Variants in DNAH12 observed in about 807,000 individuals in gnomAD.
DNAH12 encodes the protein axonemal beta dynein heavy chain 12.
Under a neutral mutation model 371.5 loss-of-function variants are expected in DNAH12, and 285 were observed. That is an observed-to-expected ratio of 0.77 (90% CI 0.70 to 0.85). DNAH12 has a LOEUF of 0.85. Ranked by LOEUF, DNAH12 falls within the 40% of genes least tolerant of loss-of-function variation. The pLI, the probability that DNAH12 is intolerant of heterozygous loss-of-function variation, is 0.00. For missense variants in DNAH12, 3,611 were observed against 3,689.4 expected, an observed-to-expected ratio of 0.98 and a Z score of 0.55; for synonymous variants, 1,200 against 1,213.0, an observed-to-expected ratio of 0.99 and a Z score of 0.22.
In DNAH12 at chr3:57,429,697, C is replaced by T. The variant is rs1341340695; in HGVS notation, c.5058G>A (p.Gln1686=). 2 of 1,534,154 alleles carry T rather than the reference C, an allele frequency of 1.3e-6. No individual in the cohort carries two copies. Among genetic ancestry groups the T allele is most frequent in the East Asian group, 5.0e-5 (2 of 39,712 alleles). The change falls in exon 33 of 74, where the codon CAG becomes CAA. Residue 1686 remains glutamine, a synonymous_variant. Coordinates refer to ENST00000495027, the MANE Select transcript of DNAH12 (RefSeq NM_001366028.2). ...TATTAAATTATGAACTTACGGATGCCTGGGAAAGGTCCATTGTTTCAAAGA... is the reference window on the plus strand; with the variant it reads ...TATTAAATTATGAACTTACGGATGCTTGGGAAAGGTCCATTGTTTCAAAGA... ...SLIFETMDLS[Q]ASPATVSRCG... is the part of the protein sequence containing the mutation.
chr3:57,548,800 T>C (rs2069597444), upstream of DNAH12: 2 of 152,182 alleles, frequency 1.3e-5, no homozygotes, highest in Admixed American at 1.3e-4. Context: ...CAGTTATTCA[T>C]TTAGCCAAAG....
chr3:57,420,802 G>A (rs1403711066), intron 36 of DNAH12, among the ~76,000 whole-genome samples: 2 of 151,410 alleles, frequency 1.3e-5, no homozygotes, highest in African/African-American at 2.4e-5. Flanking sequence ...CCAGCTACTC[G>A]GGAGGCTGAG....
rs1372580111 is a variant in DNAH12, at chr3:57,296,861, C to T, written c.11518G>A (p.Gly3840Arg). 62 of 1,551,270 alleles carry T rather than the reference C, an allele frequency of 4.0e-5. No individual in the cohort carries two copies. Among genetic ancestry groups the T allele is most frequent in the Non-Finnish European group, 4.2e-5 (48 of 1,146,924 alleles). Residue 3840 changes from glycine to arginine, a missense_variant, in exon 71 of 74, where the codon GGA (glycine) becomes AGA (arginine). By Grantham distance (125) the Gly-to-Arg change is moderately radical (BLOSUM62 -2). This residue lies in a region of DNAH12 where 2,266 missense variants were observed against 2,236.9 expected (regional missense o/e 1.01). Transcript: ENST00000495027. ...RKYTTPIDLLGYEFEVIPSDT... is the reference protein window; with the variant it reads ...RKYTTPIDLLRYEFEVIPSDT... ...AGTTACTATACCTCAAATTCATATCCTAGCAAATCAATAGGGGTGGTATAT... is the reference window on the plus strand; with the variant it reads ...AGTTACTATACCTCAAATTCATATCTTAGCAAATCAATAGGGGTGGTATAT...
At chr3:57,432,733 A>G (rs537571799) in intron 32 of DNAH12, among the ~76,000 whole-genome samples, 1 of 151,334 alleles carries the variant, frequency 6.6e-6, no homozygotes, top group African/African-American at 2.4e-5. Flanking sequence ...AAGTCAGAAG[A>G]GTGATTATCT....
At chr3:57,357,712 T>C (rs1377644579) in intron 58 of DNAH12, among the ~76,000 whole-genome samples, 1 of 152,250 alleles carries the variant, frequency 6.6e-6, no homozygotes, top group Non-Finnish European at 1.5e-5. Flanking sequence ...GACCTGTGTC[T>C]ACTGTAGTCA....
At position 57,470,537 on chromosome 3, in the gene DNAH12, T is replaced by G. The variant is rs1202101052; in HGVS notation, c.2011A>C (p.Thr671Pro). 3 of 1,550,280 alleles carry G rather than the reference T, an allele frequency of 1.9e-6. No homozygotes were observed. ...AATTTATCCAGTTCAGGATATTTTGTCAATTCCCACTTGAAAAGTTCCTCT... is the reference window on the plus strand; with the variant it reads ...AATTTATCCAGTTCAGGATATTTTGGCAATTCCCACTTGAAAAGTTCCTCT... Reference protein sequence around the residue: ...KEEELFKWELTKYPELDKLKV... With the variant: ...KEEELFKWELPKYPELDKLKV... Residue 671 changes from threonine (T) to proline (P), a missense_variant, in exon 16 of 74, where the codon ACA becomes CCA. Thr to Pro is a conservative substitution (Grantham distance 38). This residue lies in a region of DNAH12 where 1,314 missense variants were observed against 1,398.7 expected (regional missense o/e 0.94). Transcript: ENST00000495027.
At chr3:57,415,293 G>T in intron 38 of DNAH12, 133 bp downstream of exon 38, 2 of 1,223,238 alleles carry the variant, frequency 1.6e-6, no homozygotes, top group Non-Finnish European at 1.1e-6. Context: ...CCAAAAACTT[G>T]TAACTCCCCA....
chr3:57,380,569 A>G (rs2063368067), intron 50 of DNAH12, among the ~76,000 whole-genome samples: 1 of 152,108 alleles, frequency 6.6e-6, no homozygotes, highest in Non-Finnish European at 1.5e-5. Flanking sequence ...GGTTCAAGTG[A>G]TTCTCCCACT....
At chr3:57,323,817 T>C (rs1246549021) in intron 62 of DNAH12, among the ~76,000 whole-genome samples, 198 bp from the exon 63 acceptor site, 2 of 152,042 alleles carry the variant, frequency 1.3e-5, no homozygotes, top group African/African-American at 2.4e-5. Flanking sequence ...AAAAGATAAA[T>C]GGGCAAAGGA....
intron 2 of DNAH12, among the ~76,000 whole-genome samples, chr3:57,527,212 C>A (rs2068678678): frequency 6.6e-6 from 1 of 152,084 alleles, no homozygotes; most frequent in African/African-American, 2.4e-5. Flanking sequence ...CTATAAATAA[C>A]TAAGACAGGT....
chr3:57,480,257 G>T (rs1423965655), intron 13 of DNAH12, among the ~76,000 whole-genome samples: 6 of 152,154 alleles, frequency 3.9e-5, no homozygotes, highest in Non-Finnish European at 5.9e-5. Flanking sequence ...CGATCCCACA[G>T]AAATACAGAC....
intron 2 of DNAH12, among the ~76,000 whole-genome samples, chr3:57,532,669 A>T (rs2068892595): frequency 6.6e-6 from 1 of 151,634 alleles, no homozygotes; most frequent in African/African-American, 2.4e-5. Context: ...TTTTCCCCTT[A>T]CTCTCTCCCA....
chr3:57,521,063 C>CAAAAAAAAA lies in DNAH12; in HGVS notation c.279+2511_279+2519dup, dbSNP rs61570396. On this transcript the variant is annotated intron_variant, in intron 4 of 73. Coordinates refer to ENST00000495027, the MANE Select transcript of DNAH12 (RefSeq NM_001366028.2). ...TGGGCGACAAAGTGAGACTCTGTCT[C>CAAAAAAAAA]AAAAAAAAAAAAAAAAAAAAAAAAA... is the stretch of plus-strand genomic sequence containing the variant. Among the ~76,000 whole-genome samples the CAAAAAAAAA allele has an allele frequency of 7.3e-5, 4 of 54,476 alleles. 1 individual carries two copies. The highest frequency in any genetic ancestry group is 1.9e-4 in the African/African-American group (4 of 21,326). The allele number at this position is 54,476 out of a possible 152,430, so 35.7% of individuals were successfully genotyped here.
chr3:57,458,668 T>TA (rs1202470001), intron 20 of DNAH12, among the ~76,000 whole-genome samples: 1 of 152,192 alleles, frequency 6.6e-6, no homozygotes, highest in Non-Finnish European at 1.5e-5. Context: ...TTTTAGAAGT[T>TA]AAAAAAATCA....
intron 4 of DNAH12, 38 bp downstream of exon 4, chr3:57,523,545 A>G: frequency 6.5e-7 from 1 of 1,546,240 alleles, no homozygotes; most frequent in South Asian, 1.2e-5. Context: ...AATTTCTTTG[A>G]ACATTTTCAA....
chr3:57,462,610 C>T, intron 18 of DNAH12, 80 bp downstream of exon 18: 1 of 1,480,216 alleles, frequency 6.8e-7, no homozygotes. Context: ...GTACTATACA[C>T]ATTCAACCCC....
intron 62 of DNAH12, among the ~76,000 whole-genome samples, chr3:57,331,019 A>G (rs2062083009): frequency 6.6e-6 from 1 of 152,196 alleles, no homozygotes; most frequent in Admixed American, 6.5e-5. Context: ...ATTCAATTCA[A>G]CTTAATTCAT....
chr3:57,403,652 G>T (rs1428990501), intron 42 of DNAH12, among the ~76,000 whole-genome samples, 151 bp from the exon 43 acceptor site: 1 of 152,152 alleles, frequency 6.6e-6, no homozygotes, highest in Non-Finnish European at 1.5e-5. Flanking sequence ...ATCAAAAAGT[G>T]TGATTTTTCA....
chr3:57,381,563 C>T (rs1444561820), intron 50 of DNAH12, among the ~76,000 whole-genome samples: 5 of 151,922 alleles, frequency 3.3e-5, no homozygotes, highest in Non-Finnish European at 5.9e-5. Flanking sequence ...ATCTAATTCT[C>T]TTATTAGCTT....
Sources: allele counts gnomAD v4.1 joint callset (sites outside exome capture counted in the v4.1 genomes callset), GRCh38; gene constraint gnomAD v4.1.1; regional missense constraint gnomAD v4.1.1; transcripts MANE v1.5; gene names NCBI Gene and HGNC (gene_info 2026-07-23, HGNC 2026-07-21).